PLXNC1: variants seen among roughly 807,000 people sequenced by gnomAD.
PLXNC1 encodes plexin C1.
In PLXNC1, 75 loss-of-function variants were observed where a neutral mutation model predicts 178.2. The ratio of observed to expected loss-of-function variants is 0.42; its 90% CI spans 0.35 to 0.51. PLXNC1 has a LOEUF of 0.51. Ranked by LOEUF, PLXNC1 falls within the 20% of genes least tolerant of loss-of-function variation. The probability of loss-of-function intolerance (pLI) is 0.02; values close to 1 mark genes in which losing one functional copy is unlikely to be tolerated. For missense variants in PLXNC1, 1,503 were observed against 1,984.4 expected (o/e 0.76, Z 4.61); for synonymous variants, 790 against 779.9 (o/e 1.01, Z -0.22).
chr12:94,185,294 C>T (rs1443470609), intron 3 of PLXNC1, among the ~76,000 whole-genome samples: 1 of 152,196 alleles, frequency 6.6e-6, no homozygotes, highest in Non-Finnish European at 1.5e-5. Flanking sequence ...CAGGATAGTC[C>T]TTGTTTTCCT....
rs189657008 is a variant in PLXNC1, at chr12:94,285,478, A to G, written c.3879+3077A>G. On this transcript the variant is annotated intron_variant, in intron 23 of 30. Transcript: ENST00000258526. Reference sequence around the variant, plus strand: ...AGTCTAGCAGAGAAAGCTGCAGGCTAGCAACTTGCCCCGTGCTCACTCTCC... The same window carrying G: ...AGTCTAGCAGAGAAAGCTGCAGGCTGGCAACTTGCCCCGTGCTCACTCTCC... Among the ~76,000 whole-genome samples, 156 of 152,300 alleles carry G rather than the reference A, an allele frequency of 1.0e-3. 1 individual carries two copies. Among genetic ancestry groups the G allele is most frequent in the African/African-American group, 3.5e-3 (144 of 41,568 alleles).
At chr12:94,224,344 C>A in intron 7 of PLXNC1, 29 bp downstream of exon 7, 1 of 1,134,398 alleles carries the variant, frequency 8.8e-7, no homozygotes, top group Non-Finnish European at 1.3e-6. Flanking sequence ...TTTGAATATT[C>A]TCTCGTTGAT....
intron 1 of PLXNC1, among the ~76,000 whole-genome samples, chr12:94,151,561 GT>G (rs760630198): frequency 6.6e-6 from 1 of 152,144 alleles, no homozygotes; most frequent in Non-Finnish European, 1.5e-5. Flanking sequence ...AACGGTTTAA[GT>G]TTGGTAAAAT....
chr12:94,305,869 C>T lies in PLXNC1; in HGVS notation c.*584C>T, dbSNP rs549585047. Reference sequence around the variant, plus strand: ...TTTAAACCAAAAACTAACAGTGTTGCAACATTGTTGAAAGGGCTCGTGTTT... The same window carrying T: ...TTTAAACCAAAAACTAACAGTGTTGTAACATTGTTGAAAGGGCTCGTGTTT... On this transcript the variant is annotated 3_prime_UTR_variant, in exon 31 of 31. Transcript: ENST00000258526. The T allele has an allele frequency of 6.6e-6, 1 of 152,248 alleles. No homozygotes were observed. The highest frequency in any genetic ancestry group is 2.1e-4 in the South Asian group (1 of 4,818). The allele number at this position is 152,248 out of a possible 1,614,324, so 9.4% of individuals were successfully genotyped here.
chr12:94,291,392 T>TTTTG (rs570418292), intron 23 of PLXNC1, among the ~76,000 whole-genome samples: 42 of 152,190 alleles, frequency 2.8e-4, no homozygotes, highest in African/African-American at 7.9e-4. Context: ...CTCAGCGCTT[T>TTTTG]TTTGTTTGTT....
At chr12:94,203,071 C>T (rs1170238599) in intron 4 of PLXNC1, among the ~76,000 whole-genome samples, 1 of 152,048 alleles carries the variant, frequency 6.6e-6, no homozygotes, top group East Asian at 1.9e-4. Flanking sequence ...CTGCAGGAAC[C>T]CAGGTGAGAG....
chr12:94,245,133 C>T (rs1366319153), intron 12 of PLXNC1, among the ~76,000 whole-genome samples: 1 of 152,220 alleles, frequency 6.6e-6, no homozygotes, highest in Non-Finnish European at 1.5e-5. Flanking sequence ...AAGCCTCACA[C>T]TGTATCTGAC....
chr12:94,287,629 A>G (rs377490490), intron 23 of PLXNC1, among the ~76,000 whole-genome samples: 49 of 152,344 alleles, frequency 3.2e-4, no homozygotes, highest in African/African-American at 1.1e-3. Context: ...ACAGATGTGT[A>G]CTAATGCAGA....
At chr12:94,210,003 A>T (rs2136002400) in intron 5 of PLXNC1, among the ~76,000 whole-genome samples, 1 of 152,352 alleles carries the variant, frequency 6.6e-6, no homozygotes, top group East Asian at 1.9e-4. Context: ...TGGACTTCTA[A>T]TGTTGTAGAA....
intron 1 of PLXNC1, among the ~76,000 whole-genome samples, chr12:94,164,849 G>A (rs1961546702): frequency 6.6e-6 from 1 of 152,274 alleles, no homozygotes; most frequent in African/African-American, 2.4e-5. Flanking sequence ...TTCCCTCTTA[G>A]AGCCGGCAAA....
At chr12:94,289,094 A>G (rs1024304570) in intron 23 of PLXNC1, among the ~76,000 whole-genome samples, 1 of 152,222 alleles carries the variant, frequency 6.6e-6, no homozygotes, top group African/African-American at 2.4e-5. Flanking sequence ...TCAACCTTAC[A>G]TTTCTAGAAA....
At position 94,181,823 on chromosome 12, in the gene PLXNC1, T is replaced by G. The variant is rs191301263; in HGVS notation, c.1338+243T>G. Among the ~76,000 whole-genome samples, 277 of 152,280 alleles carry G rather than the reference T, an allele frequency of 1.8e-3. 2 individuals carry two copies. The highest frequency in any genetic ancestry group is 6.2e-3 in the African/African-American group (256 of 41,554). ...TGGCTATATTTCCAGTGCCAAGTTT[T>G]TCAGAGGAGGGTGTGCTTGGAAATG... On this transcript the variant is annotated intron_variant, in intron 3 of 30. Coordinates refer to ENST00000258526, the MANE Select transcript of PLXNC1 (RefSeq NM_005761.3).
intron 7 of PLXNC1, among the ~76,000 whole-genome samples, chr12:94,224,745 A>G (rs561629194): frequency 1.3e-5 from 2 of 152,262 alleles, no homozygotes; most frequent in African/African-American, 4.8e-5. Context: ...ATCGCTACAA[A>G]AAAACACAAA....
chr12:94,186,721 G>A, intron 4 of PLXNC1: 1 of 410,096 alleles, frequency 2.4e-6, no homozygotes. Context: ...CAGCCTTCAG[G>A]AGAACGGGAG....
chr12:94,170,640 G>A (rs924520909), intron 2 of PLXNC1, among the ~76,000 whole-genome samples: 1 of 152,110 alleles, frequency 6.6e-6, no homozygotes, highest in South Asian at 2.1e-4. Flanking sequence ...ACTGGTGTCT[G>A]TCTTGCCTTC....
chr12:94,301,188 G>A (rs921837274), intron 28 of PLXNC1, 131 bp downstream of exon 28: 2 of 586,634 alleles, frequency 3.4e-6, no homozygotes, highest in Non-Finnish European at 5.5e-6. Context: ...AAGGGCCACT[G>A]TCAATTTGCT....
chr12:94,268,575 AAG>A, intron 21 of PLXNC1, among the ~76,000 whole-genome samples: 3 of 142,492 alleles, frequency 2.1e-5, no homozygotes, highest in Middle Eastern at 7.2e-3. Flanking sequence ...AGACAGCTGG[AAG>A]AGAATAAGAC....
chr12:94,170,187 A>G (rs1961789454), intron 2 of PLXNC1, among the ~76,000 whole-genome samples: 1 of 151,982 alleles, frequency 6.6e-6, no homozygotes, highest in Admixed American at 6.5e-5. Flanking sequence ...CCCACAGATA[A>G]CTCGCTGTGT....
chr12:94,298,161 CTATTT>C (rs1456560316), intron 26 of PLXNC1, among the ~76,000 whole-genome samples: 6 of 152,206 alleles, frequency 3.9e-5, no homozygotes, highest in Non-Finnish European at 8.8e-5. Flanking sequence ...AGAGCCCAGC[CTATTT>C]GGCTTTTGTG....
Sources: gnomAD v4.1 joint callset for allele counts (sites outside exome capture counted in the v4.1 genomes callset) on GRCh38, gnomAD v4.1.1 for gene constraint, MANE v1.5 for transcripts, NCBI Gene and HGNC (gene_info 2026-07-23, HGNC 2026-07-21) for gene names.